Variants in DTNA observed in about 807,000 individuals in gnomAD.
DTNA encodes dystrobrevin alpha, also known as dystrophin-related protein 3.
A neutral mutation model predicts 100.7 loss-of-function variants in DTNA; 43 were observed. The ratio of observed to expected loss-of-function variants is 0.43; its 90% CI spans 0.33 to 0.55. The LOEUF (loss-of-function observed/expected upper bound fraction) is 0.55. Among genes scored for constraint, DTNA ranks in the 20% least tolerant of loss-of-function variants. The pLI is 0.04. For missense variants in DTNA, 798 were observed against 953.9 expected (o/e 0.84, Z 2.15); for synonymous variants, 349 against 347.9 (o/e 1.00, Z -0.04).
At chr18:34,772,204 A>T (rs911120063) in intron 3 of DTNA, among the ~76,000 whole-genome samples, 1 of 152,184 alleles carries the variant, frequency 6.6e-6, no homozygotes, top group Non-Finnish European at 1.5e-5. Context: ...TTTAATTAAA[A>T]TTTTGTTTAA....
chr18:34,710,791 T>G (rs1325817855), intron 1 of DTNA, among the ~76,000 whole-genome samples: 1 of 152,058 alleles, frequency 6.6e-6, no homozygotes, highest in Admixed American at 6.6e-5. Context: ...AGTGTTTTCT[T>G]GTTTTGTTTT....
At chr18:34,639,092 C>T (rs191517277) in intron 1 of DTNA, among the ~76,000 whole-genome samples, 19 of 152,316 alleles carry the variant, frequency 1.2e-4, no homozygotes, top group Non-Finnish European at 2.1e-4. Flanking sequence ...CCACCTGCCT[C>T]GGCCTCCCAG....
intron 3 of DTNA, among the ~76,000 whole-genome samples, chr18:34,780,928 C>T (rs1009699154): frequency 6.6e-6 from 1 of 152,204 alleles, no homozygotes; most frequent in Admixed American, 6.5e-5. Context: ...CTGCTCTGTC[C>T]TGCATTGGTC....
At chr18:34,586,899 G>T (rs979454113) in intron 1 of DTNA, among the ~76,000 whole-genome samples, 7 of 152,016 alleles carry the variant, frequency 4.6e-5, no homozygotes, top group African/African-American at 7.3e-5. Flanking sequence ...AATTCGAGTT[G>T]ACTTTGGTTC....
chr18:34,843,842 T>C (rs1395606389), intron 13 of DTNA, among the ~76,000 whole-genome samples: 1 of 152,146 alleles, frequency 6.6e-6, no homozygotes, highest in Non-Finnish European at 1.5e-5. Flanking sequence ...ACTGACTCTT[T>C]TTAGTACATT....
At position 34,852,109 on chromosome 18, in the gene DTNA, C is replaced by T. The variant is rs552496263; in HGVS notation, c.1532+181C>T. ...TTAGATCTTTAGAACTTCAGAAGCT[C>T]CATGAGAAAACGGCGTGTGCATGTA... On this transcript the variant is annotated intron_variant, in intron 15 of 22. Transcript: ENST00000444659. 6.6e-5 allele frequency among the ~76,000 whole-genome samples: 10 copies of T among 152,304 alleles called. No individual in the cohort carries two copies. The East Asian group carries it at 1.9e-3, about 29-fold the overall frequency.
intron 1 of DTNA, among the ~76,000 whole-genome samples, chr18:34,600,208 G>A (rs189192339): frequency 3.3e-5 from 5 of 152,106 alleles, no homozygotes; most frequent in East Asian, 1.9e-4. Context: ...TAAGTCAAAT[G>A]TGTATTTTTT....
chr18:34,530,873 A>G (rs1159089025), intron 1 of DTNA, among the ~76,000 whole-genome samples: 1 of 152,130 alleles, frequency 6.6e-6, no homozygotes, highest in East Asian at 1.9e-4. Context: ...TGTTGCTGTT[A>G]CCAAGAAAAT....
chr18:34,727,113 A>G (rs1284849665), intron 1 of DTNA, among the ~76,000 whole-genome samples: 1 of 152,174 alleles, frequency 6.6e-6, no homozygotes, highest in African/African-American at 2.4e-5. Flanking sequence ...AAGCCCTTTA[A>G]GCAAAGGCTG....
intron 1 of DTNA, among the ~76,000 whole-genome samples, chr18:34,532,768 A>G (rs80167132): frequency 2.6e-3 from 161 of 61,456 alleles, no homozygotes; most frequent in Admixed American, 4.7e-3. Context: ...ATATATATAT[A>G]TATGTGTGTG....
intron 3 of DTNA, among the ~76,000 whole-genome samples, chr18:34,771,146 A>T (rs376332042): frequency 9.2e-5 from 14 of 152,290 alleles, no homozygotes; most frequent in East Asian, 7.7e-4. Context: ...GTACTGATAT[A>T]ATATCCCTGA....
chr18:34,658,569 G>A (rs2074725511), intron 1 of DTNA, among the ~76,000 whole-genome samples: 1 of 152,094 alleles, frequency 6.6e-6, no homozygotes. Context: ...GCCCAAGCTG[G>A]TCTCAAACTC....
Position 34,564,432 on chromosome 18 carries a change from C to T in DTNA, c.-2+70918C>T, listed in dbSNP as rs143250556. ...GTGCTGGGATTACAGGCGTGAGCCA[C>T]AGCACCTGGCCCCCACACTTTTGAA... is the stretch of plus-strand genomic sequence containing the variant. On this transcript the variant is annotated intron_variant, in intron 1 of 19. Coordinates refer to the DTNA transcript ENST00000283365. 5.0e-3 allele frequency among the ~76,000 whole-genome samples: 766 copies of T among 152,330 alleles called. 5 individuals carry two copies. The highest frequency in any genetic ancestry group is 0.016 in the African/African-American group (671 of 41,578).
chr18:34,790,682 CAAGCAGCATACAATTTT>C (rs914136657), intron 3 of DTNA, among the ~76,000 whole-genome samples: 6 of 149,188 alleles, frequency 4.0e-5, no homozygotes, highest in Non-Finnish European at 7.4e-5. Context: ...CGCCATTCTC[CAAGCAGCATACAATTTT>C]AAGCAGCATA....
intron 1 of DTNA, among the ~76,000 whole-genome samples, chr18:34,616,775 A>G (rs980149981): frequency 2.0e-5 from 3 of 152,092 alleles, no homozygotes; most frequent in Non-Finnish European, 2.9e-5. Context: ...TGTTTTTCCA[A>G]TCGTTTGTGT....
intron 1 of DTNA, among the ~76,000 whole-genome samples, chr18:34,581,098 A>C (rs556499844): frequency 2.0e-5 from 3 of 152,020 alleles, no homozygotes; most frequent in Admixed American, 1.3e-4. Context: ...ACAAAAAAAA[A>C]ATTAGCCGGG....
chr18:34,580,850 T>C (rs939568483), intron 1 of DTNA, among the ~76,000 whole-genome samples: 1 of 152,066 alleles, frequency 6.6e-6, no homozygotes, highest in African/African-American at 2.4e-5. Context: ...AAATATTCAG[T>C]GATGATCTGT....
rs2049211955 is a variant in DTNA at position 34,587,014 on chromosome 18, G to A, written c.-2+93500G>A. Among the ~76,000 whole-genome samples, 8 of 151,874 alleles carry A rather than the reference G, an allele frequency of 5.3e-5. 1 individual carries two copies. The highest frequency in any genetic ancestry group is 5.3e-4 in the Admixed American group (8 of 15,238). On this transcript the variant is annotated intron_variant, in intron 1 of 19. Coordinates refer to the DTNA transcript ENST00000283365. ...TCTTTCTCTGTCACCCAGGCCTGGA[G>A]TGCAGTGGTGTGATCACAGCTCACT...
At position 34,686,993 on chromosome 18, in the gene DTNA, C is replaced by T. The variant is rs560711830; in HGVS notation, c.-1-68983C>T. Among the ~76,000 whole-genome samples, 3 of 151,980 alleles carry T rather than the reference C, an allele frequency of 2.0e-5. No individual in the cohort carries two copies. In the South Asian group the frequency reaches 6.3e-4, roughly 32 times the overall value. The stretch of plus-strand genomic sequence containing the variant: ...TTCTGTGGGATCAGTGGTGATCTCC[C>T]CTTTATCATTTTTATTGTGTCTATT... On this transcript the variant is annotated intron_variant, in intron 1 of 19. Coordinates refer to the DTNA transcript ENST00000283365.
Sources: gnomAD v4.1 joint callset for allele counts (sites outside exome capture counted in the v4.1 genomes callset) on GRCh38, gnomAD v4.1.1 for gene constraint, MANE v1.5 for transcripts, NCBI Gene and HGNC (gene_info 2026-07-23, HGNC 2026-07-21) for gene names.